Variants in NBAS observed in about 807,000 individuals in gnomAD.
NBAS encodes the protein NAG/BC035112 fusion.
NBAS carries 219 observed loss-of-function variants against 302.5 expected under a neutral mutation model. The observed-to-expected ratio is 0.72, with a 90% CI of 0.65 to 0.81. The LOEUF is 0.81. NBAS is among the 30% of genes least tolerant of loss of function. NBAS has a pLI of 0.00. For missense variants in NBAS, 2,932 were observed against 2,841.6 expected, an observed-to-expected ratio of 1.03 and a Z score of -0.72; for synonymous variants, 1,118 against 1,021.6, an observed-to-expected ratio of 1.09 and a Z score of -1.80.
chr2:14,917,702 G>A, the NBAS span, among the ~76,000 whole-genome samples: 2 of 152,212 alleles, frequency 1.3e-5, no homozygotes, highest in African/African-American at 2.4e-5. Context: ...CACATGCCCT[G>A]AGGCATTACT....
chr2:14,795,221 G>T, the NBAS span, among the ~76,000 whole-genome samples: 6 of 152,198 alleles, frequency 3.9e-5, no homozygotes, highest in African/African-American at 1.4e-4. Flanking sequence ...ATTCTCACTA[G>T]CAGTGTAAGA....
At chr2:14,820,350 C>G in the NBAS span, among the ~76,000 whole-genome samples, 3 of 152,116 alleles carry the variant, frequency 2.0e-5, no homozygotes, top group African/African-American at 7.2e-5. Flanking sequence ...GAATGAGACC[C>G]AATCGATTGC....
rs139774918 is a variant in NBAS at position 15,254,862 on chromosome 2, C to T, written c.5725-16176G>A. On this transcript the variant is annotated intron_variant, in intron 44 of 51. Coordinates refer to ENST00000281513, the MANE Select transcript of NBAS (RefSeq NM_015909.4). ...ACTCCATCCAGGTTGCTGAGAATGT[C>T]ATTATTTCATTTCTTTTTATGGCTG... Among the ~76,000 whole-genome samples, 983 of 152,206 alleles carry T rather than the reference C, an allele frequency of 6.5e-3. 14 individuals are homozygous for T. Among genetic ancestry groups the T allele is most frequent in the African/African-American group, 0.023 (953 of 41,510 alleles).
Position 15,364,694 on chromosome 2 carries a change from T to G in NBAS, c.3817+1886A>C, listed in dbSNP as rs183419992. On this transcript the variant is annotated intron_variant, in intron 32 of 51. Transcript: ENST00000281513. ...GAGCAGAGACACCTGTAAAGCCCTA[T>G]ATCAGCCCCCAGCTATTTAAGTCTT... is the stretch of plus-strand genomic sequence containing the variant. Among the ~76,000 whole-genome samples, 78 of 152,208 alleles carry G rather than the reference T, an allele frequency of 5.1e-4. 1 individual carries two copies. Among genetic ancestry groups the G allele is most frequent in the Admixed American group, 8.5e-4 (13 of 15,296 alleles).
At chr2:15,458,180 C>G (rs758236961) in intron 21 of NBAS, among the ~76,000 whole-genome samples, 1 of 152,026 alleles carries the variant, frequency 6.6e-6, no homozygotes, top group African/African-American at 2.4e-5. Flanking sequence ...ATAAGTATGA[C>G]TATAACACAG....
At chr2:14,789,293 G>A in the NBAS span, among the ~76,000 whole-genome samples, 1 of 152,174 alleles carries the variant, frequency 6.6e-6, no homozygotes, top group Non-Finnish European at 1.5e-5. Flanking sequence ...CCCAAGTGAG[G>A]CAATGCCTCA....
At chr2:14,806,005 C>T in the NBAS span, among the ~76,000 whole-genome samples, 1 of 152,152 alleles carries the variant, frequency 6.6e-6, no homozygotes, top group Non-Finnish European at 1.5e-5. Context: ...GTCTTATACA[C>T]CCTCCACTTC....
At chr2:14,791,665 A>G in the NBAS span, among the ~76,000 whole-genome samples, 1 of 151,876 alleles carries the variant, frequency 6.6e-6, no homozygotes, top group Non-Finnish European at 1.5e-5. Context: ...CTAGCCGGGG[A>G]TGGTGGCGTG....
At chr2:15,066,418 G>A in the NBAS span, among the ~76,000 whole-genome samples, 1 of 152,118 alleles carries the variant, frequency 6.6e-6, no homozygotes, top group East Asian at 1.9e-4. Flanking sequence ...ACAGTGAAAA[G>A]GCAACCTATG....
chr2:14,850,092 T>C, the NBAS span, among the ~76,000 whole-genome samples: 2 of 136,420 alleles, frequency 1.5e-5, no homozygotes, highest in African/African-American at 6.9e-5. Context: ...TAACTTTAAA[T>C]GTAAATGGAC....
the NBAS span, among the ~76,000 whole-genome samples, chr2:14,924,986 T>C: frequency 1.3e-5 from 2 of 152,234 alleles, no homozygotes; most frequent in South Asian, 4.1e-4. Context: ...ACTCAGAGAC[T>C]GACAGCTGAG....
rs778937743 is a variant in NBAS, at chr2:15,504,144, C to A, written c.954+1G>T. ...ACCATAGTTAAGCCAATTTGTGTTA[C>A]CTGTTCTTGTCCCTGGCGACTGTAA... On this transcript the variant is annotated splice_donor_variant, in intron 11 of 51. Coordinates refer to ENST00000281513, the MANE Select transcript of NBAS (RefSeq NM_015909.4). LOFTEE classifies it high-confidence loss of function. 1.9e-6 allele frequency: 3 copies of A among 1,612,062 alleles called. No individual in the cohort carries two copies. The highest frequency in any genetic ancestry group is 2.5e-6 in the Non-Finnish European group (3 of 1,178,224).
chr2:14,857,097 C>T, the NBAS span, among the ~76,000 whole-genome samples: 2 of 152,034 alleles, frequency 1.3e-5, no homozygotes, highest in Admixed American at 6.5e-5. Context: ...AATTAAATAC[C>T]TAGGAATTAA....
the NBAS span, among the ~76,000 whole-genome samples, chr2:14,805,716 C>G: frequency 6.6e-6 from 1 of 152,214 alleles, no homozygotes; most frequent in East Asian, 1.9e-4. Context: ...AAACCACCCA[C>G]TGCAACCCAT....
At chr2:15,482,444 T>C (rs889521114) in intron 12 of NBAS, among the ~76,000 whole-genome samples, 26 of 152,172 alleles carry the variant, frequency 1.7e-4, no homozygotes, top group Admixed American at 1.7e-3. Flanking sequence ...AAGGTGCCTG[T>C]GTCATGTAAA....
the NBAS span, among the ~76,000 whole-genome samples, chr2:14,883,963 CCTT>C: frequency 7.0e-6 from 1 of 143,646 alleles, no homozygotes; most frequent in Non-Finnish European, 1.5e-5. Context: ...CATAGTAAGA[CCTT>C]CTCTCAAAAA....
chr2:14,792,331 G>C, the NBAS span, among the ~76,000 whole-genome samples: 1 of 152,130 alleles, frequency 6.6e-6, no homozygotes, highest in Non-Finnish European at 1.5e-5. Context: ...GCCTAGCCTA[G>C]CTAGTGCTCA....
intron 9 of NBAS, among the ~76,000 whole-genome samples, chr2:15,531,009 G>A (rs1284241185): frequency 6.6e-6 from 1 of 152,068 alleles, no homozygotes; most frequent in African/African-American, 2.4e-5. Context: ...GAAGCTAGAA[G>A]AAAATAGAAC....
rs767003969 is a variant in NBAS, at chr2:15,275,825, GA to G, written c.5390-8del. The stretch of plus-strand genomic sequence containing the variant: ...AGCTTTTTGTAATTAAGACCTAGCA[GA>G]AAAAAAAAGAAAGTAGGTAAGTGGT... On this transcript the variant is annotated splice_polypyrimidine_tract_variant and splice_region_variant and intron_variant, in intron 43 of 51. Transcript: ENST00000281513. 23 of 1,597,046 alleles carry G rather than the reference GA, an allele frequency of 1.4e-5. No homozygotes were observed. The highest frequency in any genetic ancestry group is 6.8e-5 in the African/African-American group (5 of 74,016).
Sources: allele counts gnomAD v4.1 joint callset (sites outside exome capture counted in the v4.1 genomes callset), GRCh38; gene constraint gnomAD v4.1.1; transcripts MANE v1.5; gene names NCBI Gene and HGNC (gene_info 2026-07-23, HGNC 2026-07-21).